TRIM23: variants seen among roughly 807,000 people sequenced by gnomAD.
TRIM23 encodes tripartite motif containing 23, also known as E3 ubiquitin-protein ligase TRIM23.
TRIM23 carries 27 observed loss-of-function variants against 71.0 expected under a neutral mutation model. That is an observed-to-expected ratio of 0.38 (90% CI 0.28 to 0.52). TRIM23 has a LOEUF of 0.52. TRIM23 is among the 20% of genes least tolerant of loss of function. The probability of loss-of-function intolerance (pLI) is 0.84; values close to 1 mark genes in which losing one functional copy is unlikely to be tolerated. For synonymous variants in TRIM23, 234 were observed against 238.0 expected (o/e 0.98, Z 0.16); for missense variants, 482 against 692.3 (o/e 0.70, Z 3.41).
At chr5:65,612,984 C>T (rs1405467949) in intron 3 of TRIM23, among the ~76,000 whole-genome samples, 7 of 151,854 alleles carry the variant, frequency 4.6e-5, no homozygotes, top group Non-Finnish European at 8.8e-5. Flanking sequence ...AACACTTTTA[C>T]TCAATATTAA....
chr5:65,602,849 C>A (rs1322973490), intron 7 of TRIM23, among the ~76,000 whole-genome samples: 1 of 152,150 alleles, frequency 6.6e-6, no homozygotes, highest in Non-Finnish European at 1.5e-5. Flanking sequence ...GACAGACCGG[C>A]CCCCATTATT....
At chr5:65,620,518 T>C (rs1268010747) in intron 1 of TRIM23, among the ~76,000 whole-genome samples, 2 of 152,176 alleles carry the variant, frequency 1.3e-5, no homozygotes, top group Non-Finnish European at 2.9e-5. Context: ...TGATTTCATA[T>C]GATTAAAACA....
rs1753996643 is a variant in TRIM23, at chr5:65,590,693, T to C, written c.*1076A>G. 2.0e-6 allele frequency: 2 copies of C among 984,916 alleles called. No homozygotes were observed. The highest frequency in any genetic ancestry group is 1.2e-4 in the Admixed American group (2 of 16,314). 61.0% of individuals were successfully genotyped at this position (984,916 alleles called of 1,614,324 possible). A position where few individuals can be genotyped will look rare whatever the true frequency, so the allele number is the denominator to read the frequency against. On this transcript the variant is annotated 3_prime_UTR_variant, in exon 11 of 11. Coordinates refer to ENST00000231524, the MANE Select transcript of TRIM23 (RefSeq NM_001656.4). Reference sequence around the variant, plus strand: ...ATGTAAACTTTTTGAATTTTTTTTTTCTTTAGACATTTTTCCTCTAGAGTA... The same window carrying C: ...ATGTAAACTTTTTGAATTTTTTTTTCCTTTAGACATTTTTCCTCTAGAGTA...
At chr5:65,622,660 T>A (rs1268118009) in intron 1 of TRIM23, among the ~76,000 whole-genome samples, 2 of 152,258 alleles carry the variant, frequency 1.3e-5, no homozygotes, top group East Asian at 3.8e-4. Context: ...TTTTAGTTTA[T>A]GCTACTATAC....
At chr5:65,611,093 A>C in intron 4 of TRIM23, 50 bp from the exon 5 acceptor site, 1 of 1,472,896 alleles carries the variant, frequency 6.8e-7, no homozygotes. Context: ...ATTGACTAAT[A>C]ATATAAAAAA....
chr5:65,598,825 T>C (rs1176810584), intron 7 of TRIM23, among the ~76,000 whole-genome samples: 1 of 151,234 alleles, frequency 6.6e-6, no homozygotes, highest in Non-Finnish European at 1.5e-5. Flanking sequence ...GCAAGAATTA[T>C]TCATCATCAA....
chr5:65,604,398 A>G (rs1296826570), intron 7 of TRIM23, among the ~76,000 whole-genome samples: 4 of 152,128 alleles, frequency 2.6e-5, no homozygotes, highest in South Asian at 2.1e-4. Flanking sequence ...CCCGGCCCCA[A>G]TTATGTTTTT....
At chr5:65,597,738 C>G (rs1581176483) in intron 7 of TRIM23, among the ~76,000 whole-genome samples, 1 of 152,124 alleles carries the variant, frequency 6.6e-6, no homozygotes, top group Non-Finnish European at 1.5e-5. Flanking sequence ...CTTTACATTT[C>G]ATAAACCACA....
At chr5:65,607,417 G>T (rs1457738438) in intron 6 of TRIM23, among the ~76,000 whole-genome samples, 3 of 152,146 alleles carry the variant, frequency 2.0e-5, no homozygotes, top group African/African-American at 7.2e-5. Flanking sequence ...CTGTTCTCAT[G>T]ATAGTGATTA....
At chr5:65,606,468 C>CAAAA (rs1246379785) in intron 6 of TRIM23, among the ~76,000 whole-genome samples, 1 of 58,928 alleles carries the variant, frequency 1.7e-5, no homozygotes, top group Admixed American at 1.8e-4. Context: ...CGCCCCCGGC[C>CAAAA]AAAAAAAAAA....
chr5:65,620,084 CA>C (rs987096084), intron 1 of TRIM23, among the ~76,000 whole-genome samples: 2 of 151,526 alleles, frequency 1.3e-5, no homozygotes, highest in Non-Finnish European at 2.9e-5. Flanking sequence ...CACTCGGTCT[CA>C]AAAAAATAAA....
intron 3 of TRIM23, among the ~76,000 whole-genome samples, chr5:65,612,727 G>A (rs1030454566): frequency 6.6e-6 from 1 of 152,144 alleles, no homozygotes; most frequent in Non-Finnish European, 1.5e-5. Context: ...GCTGAGGCAC[G>A]AGAATCACTT....
intron 4 of TRIM23, 73 bp from the exon 5 acceptor site, chr5:65,611,116 C>T (rs910725295): frequency 4.5e-6 from 6 of 1,322,556 alleles, no homozygotes; most frequent in Middle Eastern, 2.0e-4. Flanking sequence ...ATTTAAATCC[C>T]TATTAATACA....
In TRIM23 at chr5:65,590,258, T is replaced by G. The variant is rs1314648200; in HGVS notation, c.*1511A>C. On this transcript the variant is annotated 3_prime_UTR_variant, in exon 11 of 11. Transcript: ENST00000231524. ...TATTAAATAATTTAATTCGGAAGTA[T>G]TATTTATGCACACAAACTACACCTG... The G allele has an allele frequency of 1.8e-6, 2 of 1,117,048 alleles. No individual in the cohort carries two copies. Among genetic ancestry groups the G allele is most frequent in the Admixed American group, 2.2e-5 (1 of 46,498 alleles). 69.2% of individuals were successfully genotyped at this position (1,117,048 alleles called of 1,614,324 possible). A position where few individuals can be genotyped will look rare whatever the true frequency, so the allele number is the denominator to read the frequency against.
chr5:65,590,278 C>T lies in TRIM23; in HGVS notation c.*1491G>A, dbSNP rs1411998559. On this transcript the variant is annotated 3_prime_UTR_variant, in exon 11 of 11. Coordinates refer to ENST00000231524, the MANE Select transcript of TRIM23 (RefSeq NM_001656.4). The stretch of plus-strand genomic sequence containing the variant: ...AAGTATTATTTATGCACACAAACTA[C>T]ACCTGTAACAGCATGACCTTTTACC... 2 of 1,269,062 alleles carry T rather than the reference C, an allele frequency of 1.6e-6. No homozygotes were observed. Among genetic ancestry groups the T allele is most frequent in the Non-Finnish European group, 2.2e-6 (2 of 892,860 alleles). 78.6% of individuals were successfully genotyped at this position (1,269,062 alleles called of 1,614,324 possible).
chr5:65,607,165 G>A (rs1017036436), intron 6 of TRIM23: 2 of 152,070 alleles, frequency 1.3e-5, no homozygotes, highest in African/African-American at 4.8e-5. Flanking sequence ...TCTGTAGTGG[G>A]AACTTTAAAG....
At chr5:65,623,836 T>C (rs1755026699) in intron 1 of TRIM23, among the ~76,000 whole-genome samples, 1 of 152,216 alleles carries the variant, frequency 6.6e-6, no homozygotes, top group Non-Finnish European at 1.5e-5. Context: ...AACACCTAAC[T>C]TAGTACGTAG....
rs1478149964 is a variant in TRIM23 at position 65,611,759 on chromosome 5, G to C, written c.489C>G (p.His163Gln). The C allele has an allele frequency of 6.2e-7, 1 of 1,614,054 alleles. No homozygotes were observed. The highest frequency in any genetic ancestry group is 1.7e-5 in the Admixed American group (1 of 59,998). ...GTTTATCAGCTAGAGGAACTCGCCTGTGCTTTGCTAATGTCTTTGTAGAAT... is the reference window on the plus strand; with the variant it reads ...GTTTATCAGCTAGAGGAACTCGCCTCTGCTTTGCTAATGTCTTTGTAGAAT... ...VTHSTKTLAK[H>Q]RRVPLADKPH... Residue 163 changes from histidine to glutamine, a missense_variant, in exon 4 of 11, where the codon CAC becomes CAG. By Grantham distance (24) the His-to-Gln change is conservative (BLOSUM62 0). Coordinates refer to ENST00000231524, the MANE Select transcript of TRIM23 (RefSeq NM_001656.4).
intron 3 of TRIM23, among the ~76,000 whole-genome samples, chr5:65,612,515 T>A (rs1179562338): frequency 2.0e-5 from 3 of 150,362 alleles, no homozygotes; most frequent in East Asian, 3.9e-4. Context: ...ACCACTGATT[T>A]AAGCAAATAA....
Sources: allele counts gnomAD v4.1 joint callset (sites outside exome capture counted in the v4.1 genomes callset), GRCh38; gene constraint gnomAD v4.1.1; transcripts MANE v1.5; gene names NCBI Gene and HGNC (gene_info 2026-07-23, HGNC 2026-07-21).